The following CCDC179 variants were observed in gnomAD, a reference collection of about 807,000 sequenced individuals.
The protein encoded by CCDC179 is coiled-coil domain containing 179, also known as coiled-coil domain-containing protein 179.
CCDC179 carries 17 observed loss-of-function variants against 12.0 expected under a neutral mutation model. The observed-to-expected ratio is 1.42, with a 90% confidence interval of 0.97 to 2.13. The LOEUF (loss-of-function observed/expected upper bound fraction) is 2.13. Ranked by LOEUF, CCDC179 falls within the 30% of genes most tolerant of loss-of-function variation. CCDC179 has a pLI of 0.00. For synonymous variants in CCDC179, 27 were observed against 26.4 expected (o/e 1.02, Z -0.07); for missense variants, 83 against 78.6 (o/e 1.06, Z -0.21).
rs1564915010 is a variant in CCDC179, at chr11:22,850,957, TA to T, written c.196-3437del. 1.8e-3 allele frequency among the ~76,000 whole-genome samples: 19 copies of T among 10,436 alleles called. 1 individual carries two copies. The highest frequency in any genetic ancestry group is 4.1e-3 in the Non-Finnish European group (12 of 2,906). The allele number at this position is 10,436 out of a possible 152,430, so 6.8% of individuals were successfully genotyped here. On this transcript the variant is annotated intron_variant, in intron 3 of 3. Coordinates refer to ENST00000532798, the MANE Select transcript of CCDC179 (RefSeq NM_001195637.2). ...TGCATAGGCTATATATATATATATATATATATATATATATATATATTTTTTT... is the reference window on the plus strand; with the variant it reads ...TGCATAGGCTATATATATATATATATTATATATATATATATATATTTTTTT...
intron 3 of CCDC179, among the ~76,000 whole-genome samples, chr11:22,851,166 A>G (rs1026359535): frequency 1.3e-5 from 2 of 150,818 alleles, no homozygotes; most frequent in African/African-American, 2.4e-5. Flanking sequence ...AAACACTGGT[A>G]TATCAGCAAG....
At position 22,853,258 on chromosome 11, in the gene CCDC179, G is replaced by A. The variant is rs1483697182; in HGVS notation, c.195+4664C>T. Among the ~76,000 whole-genome samples, 3 of 152,184 alleles carry A rather than the reference G, an allele frequency of 2.0e-5. No individual in the cohort carries two copies. The East Asian group carries it at 5.8e-4, about 29-fold the overall frequency. ...CACTAAAGGGCAGAAACAATCTGAAGTGAAAAAGTAAGCACCAATCAGATC... is the reference window on the plus strand; with the variant it reads ...CACTAAAGGGCAGAAACAATCTGAAATGAAAAAGTAAGCACCAATCAGATC... On this transcript the variant is annotated intron_variant, in intron 3 of 3. Transcript: ENST00000532798.
chr11:22,849,492 G>T (rs753425466), intron 3 of CCDC179, among the ~76,000 whole-genome samples: 33 of 152,230 alleles, frequency 2.2e-4, no homozygotes, highest in Non-Finnish European at 4.3e-4. Flanking sequence ...AAGAAAAAAA[G>T]GGGGAGCTTT....
chr11:22,847,432 C>T lies in CCDC179; in HGVS notation c.*78G>A. 2.3e-6 allele frequency: 2 copies of T among 874,788 alleles called. No homozygotes were observed. The highest frequency in any genetic ancestry group is 2.9e-5 in the Admixed American group (1 of 34,218). The allele number at this position is 874,788 out of a possible 1,614,324, so 54.2% of individuals were successfully genotyped here. On this transcript the variant is annotated 3_prime_UTR_variant, in exon 4 of 4. Transcript: ENST00000532798. ...GCATTTATTTTGTGGATGATCAATT[C>T]ATGATATGTCACTTGATGTTCACAA...
chr11:22,852,607 G>T (rs1408540406), intron 3 of CCDC179, among the ~76,000 whole-genome samples: 1 of 152,156 alleles, frequency 6.6e-6, no homozygotes, highest in Non-Finnish European at 1.5e-5. Flanking sequence ...CCCAGAAGTG[G>T]ACTCACCTCA....
At chr11:22,858,128 A>G (rs1191642653) in intron 2 of CCDC179, 102 bp from the exon 3 acceptor site, 5 of 615,938 alleles carry the variant, frequency 8.1e-6, no homozygotes, top group Non-Finnish European at 1.3e-5. Context: ...AAAGGTAAAC[A>G]CCACCACTGC....
chr11:22,850,607 A>G (rs1192025897), intron 3 of CCDC179, among the ~76,000 whole-genome samples: 1 of 152,090 alleles, frequency 6.6e-6, no homozygotes, highest in Admixed American at 6.5e-5. Flanking sequence ...GTAGATACCC[A>G]GTAGTGGGAT....
intron 3 of CCDC179, among the ~76,000 whole-genome samples, chr11:22,852,464 A>G (rs1858430640): frequency 6.6e-6 from 1 of 152,268 alleles, no homozygotes; most frequent in Non-Finnish European, 1.5e-5. Context: ...CAAGATTTGC[A>G]ACTTCCCCTA....
At chr11:22,859,408 C>G (rs542791889) in intron 2 of CCDC179, 44 bp downstream of exon 2, 2 of 1,354,060 alleles carry the variant, frequency 1.5e-6, no homozygotes, top group Non-Finnish European at 2.0e-6. Flanking sequence ...GTTACAAGCA[C>G]AATGTTTAAA....
At chr11:22,858,597 A>G (rs920847383) in intron 2 of CCDC179, among the ~76,000 whole-genome samples, 10 of 152,048 alleles carry the variant, frequency 6.6e-5, no homozygotes, top group Non-Finnish European at 1.5e-4. Context: ...TTGAAAACCA[A>G]CTTTTTAAAA....
At chr11:22,850,832 C>G (rs981668264) in intron 3 of CCDC179, among the ~76,000 whole-genome samples, 10 of 149,998 alleles carry the variant, frequency 6.7e-5, no homozygotes, top group African/African-American at 2.4e-4. Context: ...TTGTCTTACA[C>G]TATAGAAAGG....
chr11:22,852,390 T>A (rs989669457), intron 3 of CCDC179, among the ~76,000 whole-genome samples: 18 of 152,156 alleles, frequency 1.2e-4, no homozygotes, highest in African/African-American at 4.1e-4. Flanking sequence ...AGGATGAGAG[T>A]GGCCTGAATT....
At chr11:22,853,562 C>A (rs1858462277) in intron 3 of CCDC179, among the ~76,000 whole-genome samples, 1 of 151,122 alleles carries the variant, frequency 6.6e-6, no homozygotes, top group Non-Finnish European at 1.5e-5. Flanking sequence ...ACTTTCCAAA[C>A]TAACGGTAAG....
chr11:22,847,589 A>G lies in CCDC179; in HGVS notation c.196-68T>C, dbSNP rs560537792. 44 of 784,414 alleles carry G rather than the reference A, an allele frequency of 5.6e-5. No individual in the cohort carries two copies. In the South Asian group the frequency reaches 9.9e-4, roughly 18 times the overall value. 48.6% of individuals were successfully genotyped at this position (784,414 alleles called of 1,614,324 possible). On this transcript the variant is annotated intron_variant, in intron 3 of 3. Transcript: ENST00000532798. ...AAATTTATATAAGGAAAGATTAGATATACTATAAATTATTTGGAAATGGTC... is the reference window on the plus strand; with the variant it reads ...AAATTTATATAAGGAAAGATTAGATGTACTATAAATTATTTGGAAATGGTC...
intron 3 of CCDC179, 21 bp from the exon 4 acceptor site, chr11:22,847,542 C>A: frequency 1.5e-6 from 2 of 1,296,890 alleles, no homozygotes; most frequent in Non-Finnish European, 2.1e-6. Context: ...TTAAAATACA[C>A]AAAGAATAAG....
intron 1 of CCDC179, 124 bp from the exon 2 acceptor site, chr11:22,859,620 A>G: frequency 2.1e-6 from 1 of 484,334 alleles, no homozygotes; most frequent in African/African-American, 2.0e-5. Context: ...CATTTCAACT[A>G]TAAGAAGCAG....
At chr11:22,850,460 A>G (rs954363902) in intron 3 of CCDC179, among the ~76,000 whole-genome samples, 2 of 152,152 alleles carry the variant, frequency 1.3e-5, no homozygotes, top group African/African-American at 4.8e-5. Context: ...TATTTTATCC[A>G]TATACCAGAT....
chr11:22,860,265 C>G (rs193043559), intron 1 of CCDC179, 112 bp downstream of exon 1: 90 of 1,261,442 alleles, frequency 7.1e-5, no homozygotes, highest in Admixed American at 7.1e-4. Flanking sequence ...ACCCCCAGCA[C>G]CAAACCACAT....
At chr11:22,848,897 G>A (rs1179189629) in intron 3 of CCDC179, among the ~76,000 whole-genome samples, 1 of 152,194 alleles carries the variant, frequency 6.6e-6, no homozygotes, top group Non-Finnish European at 1.5e-5. Context: ...GTTTGATACT[G>A]TGATGACATT....
Sources: gnomAD v4.1 joint callset for allele counts (sites outside exome capture counted in the v4.1 genomes callset) on GRCh38, gnomAD v4.1.1 for gene constraint, MANE v1.5 for transcripts, NCBI Gene and HGNC (gene_info 2026-07-23, HGNC 2026-07-21) for gene names.